The following GRM7 variants were observed in gnomAD, a reference collection of about 807,000 sequenced individuals.
The protein encoded by GRM7 is glutamate metabotropic receptor 7, also known as metabotropic glutamate receptor 7.
GRM7 carries 35 observed loss-of-function variants against 84.5 expected under a neutral mutation model. That is an observed-to-expected ratio of 0.41 (90% CI 0.32 to 0.55). GRM7 has a LOEUF of 0.55. Among genes scored for constraint, GRM7 ranks in the 20% least tolerant of loss-of-function variants. The pLI, the probability that GRM7 is intolerant of heterozygous loss-of-function variation, is 0.19. For missense variants in GRM7, 1,003 were observed against 1,194.6 expected, an observed-to-expected ratio of 0.84 and a Z score of 2.36; for synonymous variants, 487 against 455.1, an observed-to-expected ratio of 1.07 and a Z score of -0.89.
chr3:7,325,175 G>A (rs1448614473), intron 4 of GRM7, among the ~76,000 whole-genome samples: 1 of 152,160 alleles, frequency 6.6e-6, no homozygotes, highest in Non-Finnish European at 1.5e-5. Context: ...GGTTTCAGGG[G>A]ATTCTGGGTA....
At chr3:7,283,863 C>T (rs907450917) in intron 2 of GRM7, among the ~76,000 whole-genome samples, 1 of 152,066 alleles carries the variant, frequency 6.6e-6, no homozygotes, top group African/African-American at 2.4e-5. Context: ...GTTTCTGGCC[C>T]GACATTTTAT....
At chr3:7,321,310 T>G (rs1417199943) in intron 4 of GRM7, among the ~76,000 whole-genome samples, 2 of 152,102 alleles carry the variant, frequency 1.3e-5, no homozygotes, top group South Asian at 4.1e-4. Context: ...TTTGTACTTC[T>G]AACTATAAAC....
intron 1 of GRM7, among the ~76,000 whole-genome samples, chr3:7,116,613 G>T (rs991577793): frequency 6.6e-6 from 1 of 152,104 alleles, no homozygotes; most frequent in Non-Finnish European, 1.5e-5. Flanking sequence ...AAGGCAACAG[G>T]TTCTGTACCA....
At chr3:7,330,755 A>G (rs558038386) in intron 4 of GRM7, among the ~76,000 whole-genome samples, 2 of 152,150 alleles carry the variant, frequency 1.3e-5, no homozygotes, top group African/African-American at 4.8e-5. Context: ...CTTTTTCTTT[A>G]TAAATTACCC....
chr3:7,399,325 C>A (rs9879120), intron 4 of GRM7, among the ~76,000 whole-genome samples: 2,708 of 152,200 alleles, frequency 0.018, 93 homozygotes, highest in African/African-American at 0.06. Context: ...TTGGTCTGTT[C>A]TGTAAAACTT....
rs547748265 is a variant in GRM7, at chr3:6,882,097, T to G, written c.519+20190T>G. 9.9e-5 allele frequency among the ~76,000 whole-genome samples: 15 copies of G among 152,182 alleles called. No homozygotes were observed. In the East Asian group the frequency reaches 2.9e-3, roughly 29 times the overall value. On this transcript the variant is annotated intron_variant, in intron 1 of 9. Transcript: ENST00000357716. ...CTCATCCACCTTAGTATCAGTGTGG[T>G]AAAAACTGAAAGAAATTATTCCAAG...
At chr3:7,215,253 AT>A (rs978316735) in intron 2 of GRM7, among the ~76,000 whole-genome samples, 4 of 152,218 alleles carry the variant, frequency 2.6e-5, no homozygotes, top group African/African-American at 9.6e-5. Context: ...ACGAATAGAT[AT>A]TTAGGAGTTA....
chr3:7,399,565 A>G (rs571614669), intron 4 of GRM7, among the ~76,000 whole-genome samples: 2 of 152,288 alleles, frequency 1.3e-5, no homozygotes, highest in African/African-American at 4.8e-5. Flanking sequence ...GTTTGGCTCC[A>G]CCAAGTCTCA....
intron 1 of GRM7, among the ~76,000 whole-genome samples, chr3:7,053,451 G>T (rs1697085637): frequency 6.6e-6 from 1 of 151,544 alleles, no homozygotes; most frequent in Non-Finnish European, 1.5e-5. Context: ...TCCTGTTTAA[G>T]AAATCATTAC....
intron 5 of GRM7, among the ~76,000 whole-genome samples, chr3:7,419,738 C>A (rs1457705657): frequency 6.6e-6 from 1 of 152,126 alleles, no homozygotes; most frequent in African/African-American, 2.4e-5. Context: ...TACCTCCTTG[C>A]TGAAAAGCAG....
intron 9 of GRM7, among the ~76,000 whole-genome samples, chr3:7,726,931 G>A (rs534025334): frequency 9.9e-5 from 15 of 150,828 alleles, no homozygotes; most frequent in African/African-American, 2.9e-4. Context: ...TTCAGTCTCC[G>A]GTAATCTAAA....
intron 2 of GRM7, among the ~76,000 whole-genome samples, chr3:7,180,582 T>G (rs1468800925): frequency 3.3e-5 from 5 of 152,192 alleles, no homozygotes; most frequent in Admixed American, 3.3e-4. Flanking sequence ...AAATCTAGTG[T>G]GTTTTGACCT....
At chr3:6,912,733 C>A (rs924750898) in intron 1 of GRM7, among the ~76,000 whole-genome samples, 2 of 152,106 alleles carry the variant, frequency 1.3e-5, no homozygotes, top group African/African-American at 4.8e-5. Context: ...TTTTATTAAT[C>A]ATAGACAAAT....
At chr3:7,130,537 T>C (rs1358644993) in intron 1 of GRM7, among the ~76,000 whole-genome samples, 2 of 146,670 alleles carry the variant, frequency 1.4e-5, no homozygotes, top group Non-Finnish European at 3.0e-5. Flanking sequence ...TGCGAGATTC[T>C]TGTCTCAAAA....
At chr3:6,960,818 C>T (rs1164632596) in intron 1 of GRM7, among the ~76,000 whole-genome samples, 1 of 152,074 alleles carries the variant, frequency 6.6e-6, no homozygotes, top group Non-Finnish European at 1.5e-5. Flanking sequence ...ATGGTGGGGC[C>T]TGGGGGTTGG....
chr3:7,317,214 G>A (rs111777021), intron 4 of GRM7, among the ~76,000 whole-genome samples: 13 of 152,140 alleles, frequency 8.5e-5, no homozygotes, highest in African/African-American at 2.4e-4. Flanking sequence ...AAAAACGAAC[G>A]TGGTGATGTG....
intron 1 of GRM7, among the ~76,000 whole-genome samples, chr3:7,110,648 G>T (rs1242014411): frequency 7.2e-6 from 1 of 137,944 alleles, no homozygotes; most frequent in South Asian, 2.5e-4. Flanking sequence ...TTTGCTAGAG[G>T]TGCCTTCCCA....
chr3:7,722,540 T>G (rs1034088033), intron 9 of GRM7, among the ~76,000 whole-genome samples: 4 of 151,680 alleles, frequency 2.6e-5, no homozygotes, highest in Non-Finnish European at 5.9e-5. Flanking sequence ...CCTCCTGGAT[T>G]TAAGAGATTG....
intron 1 of GRM7, among the ~76,000 whole-genome samples, chr3:6,903,367 G>A (rs563599855): frequency 8.6e-4 from 131 of 151,956 alleles, no homozygotes; most frequent in Non-Finnish European, 1.7e-3. Context: ...ATTGTTTTGT[G>A]ATTCCTAATT....
Sources: allele counts gnomAD v4.1 joint callset (sites outside exome capture counted in the v4.1 genomes callset), GRCh38; gene constraint gnomAD v4.1.1; transcripts MANE v1.5; gene names NCBI Gene and HGNC (gene_info 2026-07-23, HGNC 2026-07-21).